Variants in ASXL1 observed in about 807,000 individuals in gnomAD.
ASXL1 encodes the protein ASXL transcriptional regulator 1, also known as polycomb group protein ASXL1.
ASXL1 carries 65 observed loss-of-function variants against 89.1 expected under a neutral mutation model. The observed-to-expected ratio is 0.73, with a 90% CI of 0.60 to 0.90. The LOEUF (loss-of-function observed/expected upper bound fraction) is 0.90. Among genes scored for constraint, ASXL1 ranks in the 40% least tolerant of loss-of-function variants. The probability of loss-of-function intolerance (pLI) is 0.00; values close to 1 mark genes in which losing one functional copy is unlikely to be tolerated. For synonymous variants in ASXL1, 739 were observed against 746.9 expected, an observed-to-expected ratio of 0.99 and a Z score of 0.17; for missense variants, 1,786 against 1,942.9, an observed-to-expected ratio of 0.92 and a Z score of 1.52.
intron 4 of ASXL1, among the ~76,000 whole-genome samples, chr20:32,415,944 CA>C (rs1294356098): frequency 4.6e-5 from 7 of 151,940 alleles, no homozygotes; most frequent in Admixed American, 4.6e-4. Flanking sequence ...AAAACAAAAA[CA>C]AAAACAAAAC....
At position 32,436,699 on chromosome 20, in the gene ASXL1, C is replaced by G. The variant is rs749011329; in HGVS notation, c.3987C>G (p.Ile1329Met). The G allele has an allele frequency of 2.5e-6, 4 of 1,614,026 alleles. No individual in the cohort carries two copies. Among genetic ancestry groups the G allele is most frequent in the Non-Finnish European group, 3.4e-6 (4 of 1,180,040 alleles). ...PADPMPLPAE[I>M]PPVFPSGKLG... ...ACCCGATGCCTCTTCCTGCTGAGAT[C>G]CCTCCAGTTTTTCCCAGTGGGAAGT... Residue 1329 changes from isoleucine (I) to methionine (M), a missense_variant, in exon 13 of 13, where the codon ATC becomes ATG. Ile to Met is a conservative substitution (Grantham distance 10, BLOSUM62 1). Transcript: ENST00000375687.
chr20:32,394,777 A>G (rs2048733429), intron 4 of ASXL1, among the ~76,000 whole-genome samples: 1 of 151,558 alleles, frequency 6.6e-6, no homozygotes, highest in South Asian at 2.1e-4. Context: ...GCAGTGGTGC[A>G]ATCTTGGCTT....
At chr20:32,428,930 G>A in intron 6 of ASXL1, 1 of 325,602 alleles carries the variant, frequency 3.1e-6, no homozygotes, top group Non-Finnish European at 6.0e-6. Flanking sequence ...CAAAGTGCTG[G>A]GATTACAGGT....
At chr20:32,384,240 T>A (rs1390605912) in intron 4 of ASXL1, among the ~76,000 whole-genome samples, 1 of 139,648 alleles carries the variant, frequency 7.2e-6, no homozygotes, top group Non-Finnish European at 1.5e-5. Context: ...AGAGTCTTGC[T>A]GTGTTGCTCA....
At chr20:32,409,762 A>AG (rs1004795463) in intron 4 of ASXL1, among the ~76,000 whole-genome samples, 47 of 152,148 alleles carry the variant, frequency 3.1e-4, no homozygotes, top group African/African-American at 1.1e-3. Context: ...TAAAAAAAAA[A>AG]CTGCATATTT....
intron 4 of ASXL1, among the ~76,000 whole-genome samples, chr20:32,388,712 C>T (rs771021897): frequency 8.6e-5 from 13 of 152,046 alleles, no homozygotes; most frequent in Non-Finnish European, 1.8e-4. Context: ...CAGGCCTTTT[C>T]CAGTTTTATT....
At chr20:32,425,178 C>T (rs895283498) in intron 4 of ASXL1, among the ~76,000 whole-genome samples, 1 of 152,154 alleles carries the variant, frequency 6.6e-6, no homozygotes, top group African/African-American at 2.4e-5. Flanking sequence ...TCATCTATGT[C>T]GTTAGTAGCT....
At chr20:32,404,866 C>T (rs1569289100) in intron 4 of ASXL1, among the ~76,000 whole-genome samples, 1 of 152,096 alleles carries the variant, frequency 6.6e-6, no homozygotes, top group Admixed American at 6.5e-5. Context: ...TGAATTTTGT[C>T]AAAGTTTCTG....
rs928248640 is a variant in ASXL1, at chr20:32,432,753, A to G, written c.980-127A>G. On this transcript the variant is annotated intron_variant, in intron 10 of 12. Coordinates refer to ENST00000375687, the MANE Select transcript of ASXL1 (RefSeq NM_015338.6). ...TAGTAGATGTGTTAGCTCTGTCCCT[A>G]TAAGAGCATGATGTGAGAGAGCCTT... 5.9e-5 allele frequency: 70 copies of G among 1,192,742 alleles called. No homozygotes were observed. The Middle Eastern group carries it at 2.9e-3, about 50-fold the overall frequency. 73.9% of individuals were successfully genotyped at this position (1,192,742 alleles called of 1,614,324 possible). A position where few individuals can be genotyped will look rare whatever the true frequency, so the allele number is the denominator to read the frequency against.
At chr20:32,410,419 G>T (rs2049023650) in intron 4 of ASXL1, among the ~76,000 whole-genome samples, 1 of 152,146 alleles carries the variant, frequency 6.6e-6, no homozygotes, top group Non-Finnish European at 1.5e-5. Flanking sequence ...GGGACTACAG[G>T]TGTGAGCCAC....
chr20:32,432,789 G>C, intron 10 of ASXL1, 91 bp from the exon 11 acceptor site: 1 of 1,459,684 alleles, frequency 6.9e-7, no homozygotes, highest in Middle Eastern at 1.7e-4. Context: ...TAGAAGAGAC[G>C]TGTTGTTTTA....
intron 4 of ASXL1, among the ~76,000 whole-genome samples, chr20:32,415,001 TTTGTTTG>T (rs1388557018): frequency 6.6e-6 from 1 of 151,798 alleles, no homozygotes; most frequent in East Asian, 1.9e-4. Context: ...TGTTTGTTTG[TTTGTTTG>T]TTTGTTTTGT....
intron 4 of ASXL1, among the ~76,000 whole-genome samples, chr20:32,395,562 A>G (rs912252486): frequency 4.6e-5 from 7 of 152,216 alleles, no homozygotes; most frequent in African/African-American, 1.7e-4. Flanking sequence ...TTCAGCTACT[A>G]TTTCTTGAAA....
At chr20:32,383,994 G>A (rs946389347) in intron 4 of ASXL1, among the ~76,000 whole-genome samples, 4 of 152,084 alleles carry the variant, frequency 2.6e-5, no homozygotes, top group African/African-American at 4.8e-5. Context: ...TGATACTCAC[G>A]TTCTAGCCTT....
At chr20:32,430,843 G>C in intron 8 of ASXL1, 1 of 366,562 alleles carries the variant, frequency 2.7e-6, no homozygotes. Context: ...AGAGGTATTA[G>C]CATCTCAGTT....
rs373603259 is a variant in ASXL1 at position 32,436,063 on chromosome 20, C to T, written c.3351C>T (p.Pro1117=). ...TGCAGTTGCTGCAGGGTAGCTTGCC[C>T]CTAGAGAAGGTTCTTCCACCAGCCC... ...LVMQLLQGSL[P]LEKVLPPAHD... Residue 1117 remains proline (P), a synonymous_variant, in exon 13 of 13, where the codon CCC becomes CCT. Transcript: ENST00000375687. The T allele has an allele frequency of 1.2e-6, 2 of 1,614,138 alleles. No individual in the cohort carries two copies. The highest frequency in any genetic ancestry group is 8.5e-7 in the Non-Finnish European group (1 of 1,180,028).
chr20:32,426,554 C>CTTTTTTTTTTTTT (rs1177815042), intron 4 of ASXL1, among the ~76,000 whole-genome samples: 97 of 83,936 alleles, frequency 1.2e-3, no homozygotes, highest in African/African-American at 4.2e-3. Context: ...TTTTTTCTTT[C>CTTTTTTTTTTTTT]TTTTTTTTTT....
chr20:32,400,118 C>G (rs1181466416), intron 4 of ASXL1, among the ~76,000 whole-genome samples: 1 of 152,012 alleles, frequency 6.6e-6, no homozygotes, highest in African/African-American at 2.4e-5. Context: ...AAAATCTTTC[C>G]TGTCTCTACT....
Position 32,435,890 on chromosome 20 carries a change from G to A in ASXL1, c.3178G>A (p.Val1060Ile), listed in dbSNP as rs138521991. 1.9e-6 allele frequency: 3 copies of A among 1,614,192 alleles called. No homozygotes were observed. The African/African-American group carries it at 4.0e-5, about 22-fold the overall frequency. ...TCTGGTTACAAGGACAGATGGGATG[G>A]TTGCTCCTCAGAGCTGGGTGTCTCG... is the stretch of plus-strand genomic sequence containing the variant. ...MRLVTRTDGM[V>I]APQSWVSRVC... The change falls in exon 13 of 13, where the codon GTT becomes ATT. Residue 1060 changes from valine to isoleucine, a missense_variant. Physicochemically the swap from Val to Ile is conservative, Grantham distance 29 (BLOSUM62 3). Transcript: ENST00000375687.
Sources: allele counts gnomAD v4.1 joint callset (sites outside exome capture counted in the v4.1 genomes callset), GRCh38; gene constraint gnomAD v4.1.1; transcripts MANE v1.5; gene names NCBI Gene and HGNC (gene_info 2026-07-23, HGNC 2026-07-21).